The following CACNA1A variants were observed in gnomAD, a reference collection of about 807,000 sequenced individuals.
CACNA1A encodes the protein voltage-dependent P/Q-type calcium channel subunit alpha-1A.
CACNA1A carries 57 observed loss-of-function variants against 262.4 expected under a neutral mutation model. The observed-to-expected ratio is 0.22, with a 90% confidence interval of 0.18 to 0.27. The LOEUF is 0.27. Ranked by LOEUF, CACNA1A falls within the 10% of genes least tolerant of loss-of-function variation. CACNA1A has a pLI of 1.00. For synonymous variants in CACNA1A, 1,431 were observed against 1,419.3 expected, an observed-to-expected ratio of 1.01 and a Z score of -0.18; for missense variants, 2,526 against 3,562.8, an observed-to-expected ratio of 0.71 and a Z score of 7.41.
At chr19:13,488,571 G>A (rs1414108008) in intron 1 of CACNA1A, among the ~76,000 whole-genome samples, 1 of 151,112 alleles carries the variant, frequency 6.6e-6, no homozygotes, top group Admixed American at 6.6e-5. Flanking sequence ...GGTAATTTTT[G>A]TAATTTTTAG....
At chr19:13,211,018 CG>C (rs2054793311) in intron 43 of CACNA1A, 1 of 268,972 alleles carries the variant, frequency 3.7e-6, no homozygotes, top group Non-Finnish European at 7.2e-6. Flanking sequence ...TGGCTCCGGC[CG>C]ATGCTCAAAG....
Position 13,208,779 on chromosome 19 carries a change from G to T in CACNA1A, c.6757C>A (p.Arg2253=). 2.5e-6 allele frequency: 4 copies of T among 1,568,660 alleles called. No homozygotes were observed. The highest frequency in any genetic ancestry group is 3.4e-6 in the Non-Finnish European group (4 of 1,165,538). ...QRWSRSPSEG[R]EHMAHRQGSS... ...ACCTGCCGGTGCGCCATGTGCTCTC[G>T]GCCCTCGCTGGGCGAGCGGGACCAG... The change falls in exon 46 of 47, where the codon CGA becomes AGA. Residue 2253 remains arginine (R), a synonymous_variant. Transcript: ENST00000360228.
At chr19:13,434,696 T>C (rs1312198683) in intron 3 of CACNA1A, among the ~76,000 whole-genome samples, 4 of 152,194 alleles carry the variant, frequency 2.6e-5, no homozygotes, top group African/African-American at 7.2e-5. Flanking sequence ...GCTGAGCAGA[T>C]GCTGCCATGC....
chr19:13,483,641 G>T (rs1979638684), intron 1 of CACNA1A, among the ~76,000 whole-genome samples: 1 of 152,214 alleles, frequency 6.6e-6, no homozygotes, highest in Non-Finnish European at 1.5e-5. Flanking sequence ...TGGAGGGCTG[G>T]AAGTGCAGCT....
intron 44 of CACNA1A, among the ~76,000 whole-genome samples, chr19:13,209,741 T>C (rs1156857965): frequency 6.6e-6 from 1 of 152,128 alleles, no homozygotes; most frequent in Non-Finnish European, 1.5e-5. Flanking sequence ...ACAGGACTGC[T>C]CCTTTTGAGC....
chr19:13,493,685 T>C (rs927547435), intron 1 of CACNA1A, among the ~76,000 whole-genome samples: 1 of 152,210 alleles, frequency 6.6e-6, no homozygotes, highest in African/African-American at 2.4e-5. Flanking sequence ...TGGAGTGCCA[T>C]ATATAGACAG....
intron 3 of CACNA1A, among the ~76,000 whole-genome samples, chr19:13,393,252 TAG>T (rs2059741491): frequency 6.6e-6 from 1 of 152,144 alleles, no homozygotes; most frequent in Admixed American, 6.5e-5. Context: ...CCACCATTAG[TAG>T]AGTAAATGAA....
At chr19:13,478,360 C>T (rs949085299) in intron 1 of CACNA1A, among the ~76,000 whole-genome samples, 1 of 152,158 alleles carries the variant, frequency 6.6e-6, no homozygotes, top group African/African-American at 2.4e-5. Context: ...CTCACTCTAT[C>T]GCCCAGCCTG....
In CACNA1A at chr19:13,293,478, C is replaced by T. The variant is rs59095509; in HGVS notation, c.3089+5066G>A. Among the ~76,000 whole-genome samples, 4 of 126,102 alleles carry T rather than the reference C, an allele frequency of 3.2e-5. 1 individual carries two copies. The South Asian group carries it at 8.7e-4, about 27-fold the overall frequency. 82.7% of individuals were successfully genotyped at this position (126,102 alleles called of 152,430 possible). A position where few individuals can be genotyped will look rare whatever the true frequency, so the allele number is the denominator to read the frequency against. On this transcript the variant is annotated intron_variant, in intron 19 of 46. Transcript: ENST00000360228. ...TTTTTTTTTTTGAGATGGAGTCTCG[C>T]TCTGTCTCCCCGGCTGGAGTGCAGT...
chr19:13,473,475 C>A (rs1407648917), intron 1 of CACNA1A, among the ~76,000 whole-genome samples: 2 of 152,170 alleles, frequency 1.3e-5, no homozygotes, highest in East Asian at 3.9e-4. Context: ...GGTCTTCCAG[C>A]CTTCAGAACT....
intron 38 of CACNA1A, among the ~76,000 whole-genome samples, chr19:13,221,946 G>A (rs1232055400): frequency 6.6e-6 from 1 of 151,564 alleles, no homozygotes; most frequent in African/African-American, 2.4e-5. Flanking sequence ...TTGCTCTGTC[G>A]CCCAGGCTAA....
At chr19:13,381,040 T>G (rs774438208) in intron 3 of CACNA1A, among the ~76,000 whole-genome samples, 39 of 152,092 alleles carry the variant, frequency 2.6e-4, no homozygotes, top group Non-Finnish European at 5.6e-4. Context: ...CCTCCCAAAG[T>G]GCTGGTATTT....
rs948917661 is a variant in CACNA1A, at chr19:13,374,383, G to A, written c.540-2604C>T. Among the ~76,000 whole-genome samples the A allele has an allele frequency of 7.2e-5, 11 of 152,212 alleles. No individual in the cohort carries two copies. In the South Asian group the frequency reaches 1.0e-3, roughly 14 times the overall value. ...CCACCTCTGCCTCCTAAGCAGCTGG[G>A]ACTACAGGTGTACAACAACATATTC... On this transcript the variant is annotated intron_variant, in intron 3 of 46. Coordinates refer to ENST00000360228, the MANE Select transcript of CACNA1A (RefSeq NM_001127222.2).
At chr19:13,295,491 CTTTCT>C (rs1422909807) in intron 19 of CACNA1A, among the ~76,000 whole-genome samples, 14 of 144,042 alleles carry the variant, frequency 9.7e-5, no homozygotes, top group Middle Eastern at 3.6e-3. Flanking sequence ...TTCTTTCTTT[CTTTCT>C]TTTTTTTTTT....
At position 13,255,329 on chromosome 19, in the gene CACNA1A, T is replaced by C. The variant is rs1600180875; in HGVS notation, c.4591-70A>G. ...AGGTGGCTGTACACCGGGCACCCTC[T>C]GTCTAACTCGTCGCGGTTCTCAAGT... On this transcript the variant is annotated intron_variant, in intron 28 of 46. Coordinates refer to ENST00000360228, the MANE Select transcript of CACNA1A (RefSeq NM_001127222.2). The C allele has an allele frequency of 1.4e-5, 20 of 1,418,242 alleles. No individual in the cohort carries two copies. In the East Asian group the frequency reaches 4.7e-4, roughly 33 times the overall value. 87.9% of individuals were successfully genotyped at this position (1,418,242 alleles called of 1,614,324 possible).
intron 22 of CACNA1A, among the ~76,000 whole-genome samples, chr19:13,281,379 TAA>T (rs753890670): frequency 2.9e-4 from 30 of 102,764 alleles, no homozygotes; most frequent in Non-Finnish European, 3.3e-4. Flanking sequence ...CATTGTCTCT[TAA>T]AAAAAAAAAA....
At position 13,446,446 on chromosome 19, in the gene CACNA1A, T is replaced by C. The variant is rs573883054; in HGVS notation, c.539+6430A>G. 1.1e-3 allele frequency among the ~76,000 whole-genome samples: 155 copies of C among 140,466 alleles called. 2 individuals are homozygous for C. Among genetic ancestry groups the C allele is most frequent in the African/African-American group, 3.5e-3 (122 of 35,300 alleles). 92.2% of individuals were successfully genotyped at this position (140,466 alleles called of 152,430 possible). A position where few individuals can be genotyped will look rare whatever the true frequency, so the allele number is the denominator to read the frequency against. ...GTGCGCGCGTGTTTTTTCTTTCTTT[T>C]TTTTTTTTTTTTTGAGACAGAGTCT... On this transcript the variant is annotated intron_variant, in intron 3 of 46. Transcript: ENST00000360228.
Position 13,299,177 on chromosome 19 carries a change from A to C in CACNA1A, c.2456T>G (p.Leu819Trp). 6.2e-7 allele frequency: 1 copy of C among 1,613,006 alleles called. No homozygotes were observed. Among genetic ancestry groups the C allele is most frequent in the Non-Finnish European group, 8.5e-7 (1 of 1,179,860 alleles). The change falls in exon 19 of 47, where the codon TTG becomes TGG. Residue 819 changes from leucine to tryptophan, a missense_variant. Around this residue, in one of 17 missense-constraint regions of CACNA1A, gnomAD observed 765 missense variants for 748.6 expected, o/e 1.02. Coordinates refer to ENST00000360228, the MANE Select transcript of CACNA1A (RefSeq NM_001127222.2). ...RHLRPDMKTH[L>W]DRPLVVDPQE... Reference sequence around the variant, plus strand: ...CGGGTCCACCACCAGCGGCCGGTCCAAGTGCGTCTTCATGTCTGGCCGCAG... The same window carrying C: ...CGGGTCCACCACCAGCGGCCGGTCCCAGTGCGTCTTCATGTCTGGCCGCAG...
At chr19:13,384,168 C>T (rs2059568973) in intron 3 of CACNA1A, among the ~76,000 whole-genome samples, 1 of 152,274 alleles carries the variant, frequency 6.6e-6, no homozygotes, top group South Asian at 2.1e-4. Flanking sequence ...AGAATGTCAG[C>T]TCCACGAGGA....
Sources: allele counts gnomAD v4.1 joint callset (sites outside exome capture counted in the v4.1 genomes callset), GRCh38; gene constraint gnomAD v4.1.1; regional missense constraint gnomAD v4.1.1; transcripts MANE v1.5; gene names NCBI Gene and HGNC (gene_info 2026-07-23, HGNC 2026-07-21).